MAST2: variants seen among roughly 807,000 people sequenced by gnomAD.
MAST2 encodes microtubule associated serine/threonine kinase 2.
A neutral mutation model predicts 147.4 loss-of-function variants in MAST2; 70 were observed. The observed-to-expected ratio is 0.47, with a 90% CI of 0.39 to 0.58. The LOEUF is 0.58. MAST2 is among the 20% of genes least tolerant of loss of function. The pLI is 0.00. For synonymous variants in MAST2, 869 were observed against 896.8 expected (o/e 0.97, Z 0.55); for missense variants, 2,080 against 2,302.3 (o/e 0.90, Z 1.98).
At chr1:45,950,160 A>G (rs143615308) in intron 4 of MAST2, among the ~76,000 whole-genome samples, 17 of 151,962 alleles carry the variant, frequency 1.1e-4, no homozygotes, top group African/African-American at 4.1e-4. Flanking sequence ...TATACAACAA[A>G]CCCCTGTGTC....
intron 1 of MAST2, among the ~76,000 whole-genome samples, chr1:45,809,257 TTTAA>T (rs1266498914): frequency 6.6e-6 from 1 of 152,250 alleles, no homozygotes; most frequent in Non-Finnish European, 1.5e-5. Flanking sequence ...TTTGATATAC[TTTAA>T]TTAGTCATCA....
In MAST2 at chr1:46,035,312, C is replaced by T. The variant is rs768414148; in HGVS notation, c.4643C>T (p.Pro1548Leu). ...AGESGEEDPF[P>L]SRDPRSLGPM... is the part of the protein sequence containing the mutation. Reference sequence around the variant, plus strand: ...GAGAGTGGGGAAGAGGATCCTTTCCCGTCCAGAGACCCTAGGAGCCTGGGC... The same window carrying T: ...GAGAGTGGGGAAGAGGATCCTTTCCTGTCCAGAGACCCTAGGAGCCTGGGC... Residue 1548 changes from proline (P) to leucine (L), a missense_variant, in exon 29 of 29, where the codon CCG becomes CTG. Pro to Leu is a moderately conservative substitution (Grantham distance 98). Coordinates refer to ENST00000361297, the MANE Select transcript of MAST2 (RefSeq NM_015112.3). The surrounding 1 kb of genome is among the most constrained non-coding windows in gnomAD (Gnocchi z 5.5). 2.3e-5 allele frequency: 37 copies of T among 1,613,800 alleles called. No homozygotes were observed. Among genetic ancestry groups the T allele is most frequent in the East Asian group, 8.9e-5 (4 of 44,850 alleles).
chr1:45,829,326 A>G (rs957971961), intron 2 of MAST2, 113 bp from the exon 3 acceptor site: 2 of 917,100 alleles, frequency 2.2e-6, no homozygotes, highest in Non-Finnish European at 3.1e-6. Context: ...GATGTGAACA[A>G]TTTTACTTTG....
Position 46,022,066 on chromosome 1 carries a change from C to T in MAST2, c.1407C>T (p.Thr469=), listed in dbSNP as rs1221027260. Residue 469 remains threonine, a synonymous_variant, in exon 12 of 29, where the codon ACC becomes ACT. Coordinates refer to ENST00000361297, the MANE Select transcript of MAST2 (RefSeq NM_015112.3). ...ACATCGTTAGCCAGCTGGGCCTCAC[C>T]CGGGATCCCCTAGAAGGTGAGCATG... The part of the protein sequence containing the change: ...PRYIVSQLGL[T]RDPLEEMAQL... 8 of 1,614,084 alleles carry T rather than the reference C, an allele frequency of 5.0e-6. No homozygotes were observed. Among genetic ancestry groups the T allele is most frequent in the Non-Finnish European group, 6.8e-6 (8 of 1,180,006 alleles).
intron 4 of MAST2, among the ~76,000 whole-genome samples, chr1:45,888,709 T>G (rs1409016320): frequency 8.7e-6 from 1 of 114,378 alleles, no homozygotes; most frequent in Non-Finnish European, 1.7e-5. Flanking sequence ...TGAGATGGAG[T>G]CTTGCTCTCT....
At chr1:45,866,142 A>G (rs1049980734) in intron 3 of MAST2, among the ~76,000 whole-genome samples, 6 of 152,254 alleles carry the variant, frequency 3.9e-5, no homozygotes, top group South Asian at 2.1e-4. Flanking sequence ...AAATTTAAAC[A>G]AATTGTATTG....
At chr1:46,024,293 A>G (rs1191102214) in intron 15 of MAST2, 2 of 351,896 alleles carry the variant, frequency 5.7e-6, no homozygotes, top group African/African-American at 2.1e-5. Context: ...CAGAGCTACA[A>G]AAGCCCAGGA....
At chr1:45,951,079 T>C (rs568599211) in intron 4 of MAST2, among the ~76,000 whole-genome samples, 1 of 151,390 alleles carries the variant, frequency 6.6e-6, no homozygotes, top group African/African-American at 2.4e-5. Context: ...TTTAATTAGC[T>C]GGGCATGGTG....
At chr1:45,863,920 C>T (rs1365095734) in intron 3 of MAST2, among the ~76,000 whole-genome samples, 3 of 152,172 alleles carry the variant, frequency 2.0e-5, no homozygotes, top group African/African-American at 4.8e-5. Context: ...CCTTCACTAA[C>T]AATTTTGTGT....
chr1:45,936,520 G>T (rs993456395), intron 4 of MAST2, among the ~76,000 whole-genome samples: 3 of 152,068 alleles, frequency 2.0e-5, no homozygotes, highest in South Asian at 4.2e-4. Context: ...TTATTATTTT[G>T]AGGTATGTTC....
At chr1:46,002,911 T>G (rs1645332306) in intron 7 of MAST2, 28 bp downstream of exon 7, 2 of 1,601,784 alleles carry the variant, frequency 1.2e-6, no homozygotes, top group Admixed American at 1.7e-5. Context: ...TGGCCATACT[T>G]CCTTCACCCT....
chr1:46,035,581 AC>A lies in MAST2; in HGVS notation c.4917del (p.Thr1640ProfsTer14), dbSNP rs760814116. Reference sequence around the variant, plus strand: ...ACTTTCTCCCAGCACTTCGGGACTCACCCCCACCAGCAGTTGCTCTCCTCCC... The same window carrying A: ...ACTTTCTCCCAGCACTTCGGGACTCACCCCACCAGCAGTTGCTCTCCTCCC... ...TALSPSTSGL[T>X]PTSSCSPPSS... On this transcript the variant is annotated frameshift_variant, in exon 29 of 29. Transcript: ENST00000361297. LOFTEE classifies it low-confidence loss of function (END_TRUNC). The surrounding 1 kb of genome is among the most constrained non-coding windows in gnomAD (Gnocchi z 5.5). The A allele has an allele frequency of 2.5e-6, 4 of 1,613,258 alleles. No homozygotes were observed. In the Admixed American group the frequency reaches 5.0e-5, roughly 20 times the overall value.
chr1:46,025,219 T>C (rs1396400904), intron 15 of MAST2, among the ~76,000 whole-genome samples: 1 of 152,150 alleles, frequency 6.6e-6, no homozygotes, highest in Non-Finnish European at 1.5e-5. Context: ...CTCGGGAGGC[T>C]GAGGCAGGAG....
At chr1:45,943,253 G>T (rs1657571280) in intron 4 of MAST2, among the ~76,000 whole-genome samples, 1 of 152,148 alleles carries the variant, frequency 6.6e-6, no homozygotes, top group Admixed American at 6.5e-5. Flanking sequence ...ACCATGAAGA[G>T]TCTTGATTGT....
chr1:45,845,268 A>G (rs1645395419), intron 3 of MAST2, among the ~76,000 whole-genome samples: 3 of 152,210 alleles, frequency 2.0e-5, no homozygotes, highest in South Asian at 4.1e-4. Flanking sequence ...AAAAAGTTAT[A>G]AGAGCAGGTT....
At chr1:45,814,428 G>A (rs935081866) in intron 1 of MAST2, among the ~76,000 whole-genome samples, 1 of 152,066 alleles carries the variant, frequency 6.6e-6, no homozygotes, top group Admixed American at 6.6e-5. Context: ...TAGTGCGTAT[G>A]TTTGTATCTT....
chr1:45,984,967 TTAATA>T (rs1195117263), intron 5 of MAST2, among the ~76,000 whole-genome samples: 6 of 152,214 alleles, frequency 3.9e-5, no homozygotes, highest in African/African-American at 1.4e-4. Flanking sequence ...TGTAAGGTAT[TTAATA>T]TATTTGTTTT....
In MAST2 at chr1:46,034,809, G is replaced by A. The variant is rs1646832804; in HGVS notation, c.4140G>A (p.Leu1380=). 1 of 1,613,666 alleles carries A rather than the reference G, an allele frequency of 6.2e-7. No individual in the cohort carries two copies. The highest frequency in any genetic ancestry group is 1.1e-5 in the South Asian group (1 of 91,094). ...VAQAFPTKLH[L]SPPLGRQLSR... is the part of the protein sequence containing the mutation. ...AGGCCTTTCCCACAAAGCTTCACTT[G>A]TCACCTCCCCTGGGCAGGCAACTCT... Residue 1380 remains leucine, a synonymous_variant, in exon 29 of 29, where the codon TTG becomes TTA. Coordinates refer to ENST00000361297, the MANE Select transcript of MAST2 (RefSeq NM_015112.3).
intron 4 of MAST2, among the ~76,000 whole-genome samples, chr1:45,945,945 T>C (rs1234279064): frequency 6.6e-6 from 1 of 152,220 alleles, no homozygotes; most frequent in Non-Finnish European, 1.5e-5. Context: ...GTAGTGGAAG[T>C]GTACTCCATT....
Sources: allele counts gnomAD v4.1 joint callset (sites outside exome capture counted in the v4.1 genomes callset), GRCh38; gene constraint gnomAD v4.1.1; non-coding constraint Gnocchi (gnomAD v3.1); transcripts MANE v1.5; gene names NCBI Gene and HGNC (gene_info 2026-07-23, HGNC 2026-07-21).